The following PDE4D variants were observed in gnomAD, a reference collection of about 807,000 sequenced individuals.
The protein encoded by PDE4D is 3',5'-cyclic-AMP phosphodiesterase 4D.
Under a neutral mutation model 87.4 loss-of-function variants are expected in PDE4D, and 24 were observed. The ratio of observed to expected loss-of-function variants is 0.27; its 90% CI spans 0.20 to 0.39. The LOEUF (loss-of-function observed/expected upper bound fraction) is 0.39, where lower values mean the gene tolerates loss of function less well. Ranked by LOEUF, PDE4D falls within the 10% of genes least tolerant of loss-of-function variation. PDE4D has a pLI of 1.00. For missense variants in PDE4D, 714 were observed against 1,041.0 expected, an observed-to-expected ratio of 0.69 and a Z score of 4.32; for synonymous variants, 384 against 383.2, an observed-to-expected ratio of 1.00 and a Z score of -0.02.
chr5:59,841,000 C>A (rs1339716757), intron 1 of PDE4D, among the ~76,000 whole-genome samples: 1 of 151,964 alleles, frequency 6.6e-6, no homozygotes, highest in Non-Finnish European at 1.5e-5. Flanking sequence ...GTAGCAAACA[C>A]TGTTGGCTGA....
intron 1 of PDE4D, among the ~76,000 whole-genome samples, chr5:60,508,865 C>CTTTT (rs925659932): frequency 3.3e-5 from 5 of 150,942 alleles, no homozygotes; most frequent in Non-Finnish European, 3.0e-5. Context: ...GCAGATTTCT[C>CTTTT]TTTTTTTTTC....
chr5:59,969,035 G>T, intron 3 of PDE4D, among the ~76,000 whole-genome samples: 1 of 149,204 alleles, frequency 6.7e-6, no homozygotes, highest in African/African-American at 2.5e-5. Context: ...ATAATATGTA[G>T]TTTCTTTAAT....
intron 2 of PDE4D, among the ~76,000 whole-genome samples, chr5:60,183,917 A>G (rs898264317): frequency 6.6e-6 from 1 of 152,186 alleles, no homozygotes; most frequent in African/African-American, 2.4e-5. Flanking sequence ...TTCTGCTTAG[A>G]GTCATTTAAT....
At chr5:59,156,571 T>C (rs1245234254) in intron 5 of PDE4D, among the ~76,000 whole-genome samples, 1 of 151,778 alleles carries the variant, frequency 6.6e-6, no homozygotes, top group African/African-American at 2.4e-5. Flanking sequence ...AGACAAAGCC[T>C]ATAATCTAGA....
chr5:59,759,241 A>T (rs1347999282), intron 1 of PDE4D, among the ~76,000 whole-genome samples: 2 of 152,152 alleles, frequency 1.3e-5, no homozygotes, highest in East Asian at 1.9e-4. Flanking sequence ...AATATTTTTT[A>T]AAAAATCAAA....
At chr5:59,275,412 A>C (rs746243123) in intron 1 of PDE4D, 2 of 1,596,484 alleles carry the variant, frequency 1.3e-6, no homozygotes, top group East Asian at 4.5e-5. Context: ...TTTTGAAAAA[A>C]AATAAAAAGG....
intron 1 of PDE4D, among the ~76,000 whole-genome samples, chr5:60,426,085 G>A (rs1743686722): frequency 6.6e-6 from 1 of 152,210 alleles, no homozygotes; most frequent in Admixed American, 6.5e-5. Context: ...CACTTGGTGG[G>A]AGTGTAAATT....
chr5:59,213,167 TTC>T lies in PDE4D; in HGVS notation c.647+2608_647+2609del, dbSNP rs796907465. Among the ~76,000 whole-genome samples, 577 of 135,368 alleles carry T rather than the reference TTC, an allele frequency of 4.3e-3. 6 individuals are homozygous for T. Among genetic ancestry groups the T allele is most frequent in the African/African-American group, 0.015 (470 of 30,970 alleles). 88.8% of individuals were successfully genotyped at this position (135,368 alleles called of 152,430 possible). ...TCTCCTTCTCCTCCTTCTTCTTTTTTTCTTTTTTTCCAGACACAGTCTTGTCT... is the reference window on the plus strand; with the variant it reads ...TCTCCTTCTCCTCCTTCTTCTTTTTTTTTTTTTCCAGACACAGTCTTGTCT... On this transcript the variant is annotated intron_variant, in intron 2 of 14. Transcript: ENST00000340635.
intron 1 of PDE4D, among the ~76,000 whole-genome samples, chr5:59,309,894 T>G (rs555788694): frequency 5.9e-5 from 9 of 152,310 alleles, no homozygotes; most frequent in Admixed American, 1.3e-4. Flanking sequence ...TGAATCAGAT[T>G]GCAGCTTCTC....
intron 1 of PDE4D, among the ~76,000 whole-genome samples, chr5:59,442,064 G>A (rs1463620160): frequency 6.6e-6 from 1 of 152,132 alleles, no homozygotes; most frequent in African/African-American, 2.4e-5. Flanking sequence ...ATATTCCTGA[G>A]TTACCAGACA....
intron 1 of PDE4D, among the ~76,000 whole-genome samples, chr5:60,405,349 C>T (rs938464612): frequency 1.3e-5 from 2 of 152,222 alleles, no homozygotes; most frequent in African/African-American, 4.8e-5. Flanking sequence ...CATAACTCTC[C>T]TCCATTCTCA....
chr5:59,245,076 T>C (rs1402949425), intron 1 of PDE4D, among the ~76,000 whole-genome samples: 1 of 152,098 alleles, frequency 6.6e-6, no homozygotes, highest in Non-Finnish European at 1.5e-5. Flanking sequence ...GCATTTATGA[T>C]GCAAGGTGAA....
At chr5:60,278,040 T>C (rs1457025634) in intron 1 of PDE4D, among the ~76,000 whole-genome samples, 3 of 152,206 alleles carry the variant, frequency 2.0e-5, no homozygotes, top group African/African-American at 7.2e-5. Flanking sequence ...CTCCCTGATG[T>C]TCCAAGGTTC....
chr5:60,001,003 C>T (rs1283579701), intron 2 of PDE4D, among the ~76,000 whole-genome samples: 1 of 152,088 alleles, frequency 6.6e-6, no homozygotes, highest in Non-Finnish European at 1.5e-5. Context: ...TAGACTTGGC[C>T]CAAGGTCAAT....
chr5:59,306,366 G>C (rs968851038), intron 1 of PDE4D, among the ~76,000 whole-genome samples: 4 of 152,154 alleles, frequency 2.6e-5, no homozygotes, highest in Non-Finnish European at 4.4e-5. Flanking sequence ...CTTTTAAGTG[G>C]AGCATTTAGG....
chr5:60,391,496 C>G (rs1425413472), intron 1 of PDE4D, among the ~76,000 whole-genome samples: 2 of 152,214 alleles, frequency 1.3e-5, no homozygotes, highest in Admixed American at 1.3e-4. Flanking sequence ...GGGAAATTCT[C>G]TTTCCTCGCC....
At chr5:59,714,352 A>G (rs1040569796) in intron 1 of PDE4D, among the ~76,000 whole-genome samples, 2 of 152,230 alleles carry the variant, frequency 1.3e-5, no homozygotes, top group Non-Finnish European at 1.5e-5. Context: ...CTCAAAGACT[A>G]CTTGCTGCAG....
chr5:60,112,532 C>T (rs1341245745), intron 2 of PDE4D, among the ~76,000 whole-genome samples: 1 of 152,060 alleles, frequency 6.6e-6, no homozygotes, highest in Admixed American at 6.6e-5. Context: ...ACTTGAATGA[C>T]TTATTTTATT....
intron 1 of PDE4D, among the ~76,000 whole-genome samples, chr5:60,311,970 G>T (rs1238535555): frequency 1.3e-5 from 2 of 152,182 alleles, no homozygotes; most frequent in Admixed American, 1.3e-4. Flanking sequence ...TAATGGTAAA[G>T]GGTTCAATTC....
Sources: allele counts gnomAD v4.1 joint callset (sites outside exome capture counted in the v4.1 genomes callset), GRCh38; gene constraint gnomAD v4.1.1; transcripts MANE v1.5; gene names NCBI Gene and HGNC (gene_info 2026-07-23, HGNC 2026-07-21).